TRUB1: variants seen among roughly 807,000 people sequenced by gnomAD.
TRUB1 encodes pseudouridylate synthase TRUB1.
In TRUB1, 23 loss-of-function variants were observed where a neutral mutation model predicts 33.9. That is an observed-to-expected ratio of 0.68 (90% CI 0.49 to 0.96). The LOEUF is 0.96. Among genes scored for constraint, TRUB1 ranks in the 40% least tolerant of loss-of-function variants. TRUB1 has a pLI of 0.00. For synonymous variants in TRUB1, 163 were observed against 165.4 expected (o/e 0.99, Z 0.11); for missense variants, 378 against 422.2 (o/e 0.90, Z 0.92).
intron 1 of TRUB1, among the ~76,000 whole-genome samples, chr10:114,939,518 C>A (rs757433964): frequency 2.0e-5 from 3 of 152,224 alleles, no homozygotes; most frequent in South Asian, 4.1e-4. Flanking sequence ...TTTAGTGTCC[C>A]ATGGAAAACT....
chr10:114,963,895 T>C (rs1461366109), intron 4 of TRUB1, among the ~76,000 whole-genome samples: 1 of 152,216 alleles, frequency 6.6e-6, no homozygotes, highest in Non-Finnish European at 1.5e-5. Context: ...GTGTATATTT[T>C]ATACCTGCCT....
Position 114,972,357 on chromosome 10 carries a change from T to G in TRUB1, c.736+83T>G. Reference sequence around the variant, plus strand: ...GCTACTTTTGTGTCATTTTAATAGATCCGTAGGATGTTGGAGATTTTTTAA... The same window carrying G: ...GCTACTTTTGTGTCATTTTAATAGAGCCGTAGGATGTTGGAGATTTTTTAA... On this transcript the variant is annotated intron_variant, in intron 6 of 7. Transcript: ENST00000298746. 4.3e-6 allele frequency: 6 copies of G among 1,406,880 alleles called. No homozygotes were observed. In the South Asian group the frequency reaches 8.5e-5, roughly 20 times the overall value. The allele number at this position is 1,406,880 out of a possible 1,614,324, so 87.1% of individuals were successfully genotyped here. A position where few individuals can be genotyped will look rare whatever the true frequency, so the allele number is the denominator to read the frequency against.
At chr10:114,954,735 A>G (rs1592050636) in intron 3 of TRUB1, among the ~76,000 whole-genome samples, 1 of 151,806 alleles carries the variant, frequency 6.6e-6, no homozygotes, top group Non-Finnish European at 1.5e-5. Flanking sequence ...TGCCTTGTGT[A>G]TGGAAATTGC....
intron 4 of TRUB1, among the ~76,000 whole-genome samples, chr10:114,963,836 T>C (rs1306204845): frequency 6.6e-6 from 1 of 152,224 alleles, no homozygotes; most frequent in Non-Finnish European, 1.5e-5. Context: ...ACTGTGTGAA[T>C]ATACTACACA....
intron 4 of TRUB1, among the ~76,000 whole-genome samples, chr10:114,961,962 T>C (rs898068631): frequency 1.3e-5 from 2 of 152,252 alleles, no homozygotes; most frequent in Admixed American, 6.5e-5. Context: ...AATTCAGAGA[T>C]ACTTGAATTT....
rs139801766 is a variant in TRUB1 at position 114,939,472 on chromosome 10, C to T, written c.286+933C>T. Reference sequence around the variant, plus strand: ...TCCAGAGTTTGGCCGTATTCTGTCTCGCCATTAAACCAGTAACAGGGACTT... The same window carrying T: ...TCCAGAGTTTGGCCGTATTCTGTCTTGCCATTAAACCAGTAACAGGGACTT... On this transcript the variant is annotated intron_variant, in intron 1 of 7. Transcript: ENST00000298746. Among the ~76,000 whole-genome samples, 19 of 112,180 alleles carry T rather than the reference C, an allele frequency of 1.7e-4. 1 individual carries two copies. In the East Asian group the frequency reaches 3.7e-3, roughly 22 times the overall value. 73.6% of individuals were successfully genotyped at this position (112,180 alleles called of 152,430 possible).
intron 3 of TRUB1, among the ~76,000 whole-genome samples, chr10:114,954,871 G>A (rs1211414831): frequency 6.6e-6 from 1 of 151,874 alleles, no homozygotes. Flanking sequence ...ATTTTACTCA[G>A]GCAAGTTCTG....
intron 2 of TRUB1, among the ~76,000 whole-genome samples, chr10:114,948,909 A>G (rs2084222487): frequency 6.6e-6 from 1 of 152,172 alleles, no homozygotes; most frequent in South Asian, 2.1e-4. Context: ...TTTTTAGAAC[A>G]TGCTTCTCTT....
chr10:114,973,050 T>A (rs533683326), intron 6 of TRUB1, among the ~76,000 whole-genome samples: 3 of 152,226 alleles, frequency 2.0e-5, no homozygotes, highest in African/African-American at 7.2e-5. Flanking sequence ...TTAGAAATAA[T>A]GTCCCCAAAT....
intron 4 of TRUB1, among the ~76,000 whole-genome samples, chr10:114,967,944 C>CA (rs1426859485): frequency 4.6e-5 from 7 of 152,140 alleles, no homozygotes; most frequent in African/African-American, 1.7e-4. Flanking sequence ...AAATGCCCTT[C>CA]AGCCTTGAGA....
At chr10:114,969,512 G>T (rs1176162172) in intron 4 of TRUB1, 1 of 151,882 alleles carries the variant, frequency 6.6e-6, no homozygotes, top group Non-Finnish European at 1.5e-5. Flanking sequence ...CAGGGGCCAT[G>T]CTAGAACTCT....
At chr10:114,962,614 G>A (rs1410605923) in intron 4 of TRUB1, among the ~76,000 whole-genome samples, 2 of 152,170 alleles carry the variant, frequency 1.3e-5, no homozygotes, top group African/African-American at 2.4e-5. Context: ...TGGGTGGGGT[G>A]GTGACACCAG....
intron 3 of TRUB1, among the ~76,000 whole-genome samples, chr10:114,958,621 G>A (rs1333920721): frequency 6.6e-6 from 1 of 152,138 alleles, no homozygotes; most frequent in Non-Finnish European, 1.5e-5. Flanking sequence ...GGGAAATAAA[G>A]TTCTTGCACT....
At chr10:114,949,296 A>G (rs1293119646) in intron 2 of TRUB1, among the ~76,000 whole-genome samples, 1 of 152,208 alleles carries the variant, frequency 6.6e-6, no homozygotes, top group Non-Finnish European at 1.5e-5. Flanking sequence ...TTTGAATGGA[A>G]TCAAGTCGCA....
intron 3 of TRUB1, among the ~76,000 whole-genome samples, chr10:114,958,236 T>G (rs1467674692): frequency 6.6e-6 from 1 of 152,230 alleles, no homozygotes; most frequent in African/African-American, 2.4e-5. Context: ...CGAGGTTGAT[T>G]GTCCCAAAAT....
At chr10:114,952,509 G>T (rs543715126) in intron 3 of TRUB1, among the ~76,000 whole-genome samples, 1 of 152,162 alleles carries the variant, frequency 6.6e-6, no homozygotes, top group East Asian at 1.9e-4. Flanking sequence ...AGGTAGGTAG[G>T]TAGATAGATA....
intron 6 of TRUB1, among the ~76,000 whole-genome samples, chr10:114,973,718 G>A (rs2084346860): frequency 6.6e-6 from 1 of 152,078 alleles, no homozygotes; most frequent in South Asian, 2.1e-4. Flanking sequence ...TTCAGTTCTG[G>A]GACATTGTGC....
chr10:114,962,472 G>C (rs1314592548), intron 4 of TRUB1, among the ~76,000 whole-genome samples: 2 of 152,208 alleles, frequency 1.3e-5, no homozygotes, highest in Non-Finnish European at 2.9e-5. Flanking sequence ...GTTAAAAATA[G>C]TATTTGTCTA....
chr10:114,971,999 G>T, intron 5 of TRUB1, 136 bp from the exon 6 acceptor site: 4 of 952,042 alleles, frequency 4.2e-6, no homozygotes, highest in Non-Finnish European at 6.2e-6. Context: ...TTTTTTAGAA[G>T]GATTTTCATT....
Sources: gnomAD v4.1 joint callset for allele counts (sites outside exome capture counted in the v4.1 genomes callset) on GRCh38, gnomAD v4.1.1 for gene constraint, MANE v1.5 for transcripts, NCBI Gene and HGNC (gene_info 2026-07-23, HGNC 2026-07-21) for gene names.